Variants in ARSJ observed in about 807,000 individuals in gnomAD.
The protein encoded by ARSJ is arylsulfatase J.
In ARSJ, 26 loss-of-function variants were observed where a neutral mutation model predicts 35.9. That is an observed-to-expected ratio of 0.72 (90% confidence interval 0.53 to 1.00). The LOEUF (loss-of-function observed/expected upper bound fraction) is 1.00. Ranked by LOEUF, ARSJ falls within the 50% of genes least tolerant of loss-of-function variation. ARSJ has a pLI of 0.00. For missense variants in ARSJ, 667 were observed against 723.6 expected (o/e 0.92, Z 0.90); for synonymous variants, 294 against 267.6 (o/e 1.10, Z -0.96).
rs751520337 is a variant in ARSJ, at chr4:113,902,203, G to A, written c.*71C>T. 8.1e-6 allele frequency: 13 copies of A among 1,599,686 alleles called. No individual in the cohort carries two copies. In the South Asian group the frequency reaches 1.4e-4, roughly 18 times the overall value. ...CCAGCGATATTATCGAGCCAAATTT[G>A]CTGGTTTACCTAGGAAACAGATGAA... On this transcript the variant is annotated 3_prime_UTR_variant, in exon 2 of 2. Coordinates refer to ENST00000315366, the MANE Select transcript of ARSJ (RefSeq NM_024590.4).
At chr4:113,944,595 C>T (rs1725358438) in intron 1 of ARSJ, among the ~76,000 whole-genome samples, 1 of 151,926 alleles carries the variant, frequency 6.6e-6, no homozygotes, top group Middle Eastern at 3.2e-3. Flanking sequence ...CAGGAAAATG[C>T]CAGGAGGTAG....
At chr4:113,933,199 T>C (rs1384977382) in intron 1 of ARSJ, among the ~76,000 whole-genome samples, 1 of 151,820 alleles carries the variant, frequency 6.6e-6, no homozygotes, top group African/African-American at 2.4e-5. Context: ...GGTAACGAGA[T>C]TGAAACTGTA....
At chr4:113,905,821 C>T (rs1053538331) in intron 1 of ARSJ, among the ~76,000 whole-genome samples, 4 of 151,758 alleles carry the variant, frequency 2.6e-5, no homozygotes, top group Non-Finnish European at 4.4e-5. Context: ...GTGCATACCA[C>T]CAAGCCTGGC....
intron 1 of ARSJ, among the ~76,000 whole-genome samples, chr4:113,907,396 T>G (rs1005554344): frequency 1.3e-5 from 2 of 152,222 alleles, no homozygotes; most frequent in African/African-American, 4.8e-5. Flanking sequence ...AGCTTAGGAA[T>G]GATTTAGCAT....
At position 113,903,752 on chromosome 4, in the gene ARSJ, A is replaced by T. The variant is rs184787230; in HGVS notation, c.399-77T>A. The T allele has an allele frequency of 8.9e-5, 131 of 1,479,024 alleles. 1 individual carries two copies. The African/African-American group carries it at 1.5e-3, about 17-fold the overall frequency. The allele number at this position is 1,479,024 out of a possible 1,614,324, so 91.6% of individuals were successfully genotyped here. A position where few individuals can be genotyped will look rare whatever the true frequency, so the allele number is the denominator to read the frequency against. On this transcript the variant is annotated intron_variant, in intron 1 of 1. Transcript: ENST00000315366. ...TACATAAAACAATGATCCCTAAATT[A>T]AAAAATGTTTCTATGGGCATCATTG...
intron 1 of ARSJ, among the ~76,000 whole-genome samples, chr4:113,944,560 CA>C (rs1223037545): frequency 1.3e-5 from 2 of 152,060 alleles, no homozygotes; most frequent in East Asian, 3.9e-4. Context: ...TAGAAACGGG[CA>C]AAAGAGATAA....
intron 1 of ARSJ, among the ~76,000 whole-genome samples, chr4:113,971,920 A>G (rs1727274180): frequency 6.6e-6 from 1 of 152,198 alleles, no homozygotes; most frequent in African/African-American, 2.4e-5. Flanking sequence ...ACACATGCCT[A>G]TCAAATGAAA....
chr4:113,971,367 C>A (rs941589513), intron 1 of ARSJ, among the ~76,000 whole-genome samples: 2 of 152,142 alleles, frequency 1.3e-5, no homozygotes, highest in African/African-American at 4.8e-5. Flanking sequence ...ATAATTTCCA[C>A]CTTTAAGAAC....
At chr4:113,963,169 T>G (rs6836930) in intron 1 of ARSJ, among the ~76,000 whole-genome samples, 6,548 of 152,092 alleles carry the variant, frequency 0.043, 456 homozygotes, top group African/African-American at 0.15. Flanking sequence ...TACTATATAG[T>G]TTTCTTATTT....
At chr4:113,929,658 C>A (rs1300993727) in intron 1 of ARSJ, among the ~76,000 whole-genome samples, 1 of 152,146 alleles carries the variant, frequency 6.6e-6, no homozygotes, top group Non-Finnish European at 1.5e-5. Context: ...CAGCCACTCA[C>A]ATGATAAGAG....
intron 1 of ARSJ, among the ~76,000 whole-genome samples, chr4:113,975,325 A>T (rs1727525994): frequency 1.3e-5 from 2 of 152,220 alleles, no homozygotes; most frequent in African/African-American, 4.8e-5. Context: ...ACTATCAAAG[A>T]TACAAATTCA....
intron 1 of ARSJ, among the ~76,000 whole-genome samples, chr4:113,978,192 C>T (rs1049108723): frequency 2.0e-5 from 3 of 152,180 alleles, no homozygotes; most frequent in African/African-American, 7.2e-5. Flanking sequence ...GTTCTCATCT[C>T]ATTTAGAAAC....
intron 1 of ARSJ, among the ~76,000 whole-genome samples, chr4:113,926,088 T>C (rs1724040479): frequency 6.6e-6 from 1 of 152,186 alleles, no homozygotes; most frequent in African/African-American, 2.4e-5. Context: ...ATCCTATCCC[T>C]TGATTATTAA....
intron 1 of ARSJ, among the ~76,000 whole-genome samples, chr4:113,947,747 C>T (rs62314635): frequency 0.33 from 49,798 of 151,936 alleles, 8,628 homozygotes; most frequent in Middle Eastern, 0.4. Flanking sequence ...TAAGTTATTT[C>T]ATAAATTTTA....
chr4:113,939,904 G>C (rs985763589), intron 1 of ARSJ, among the ~76,000 whole-genome samples: 1 of 152,022 alleles, frequency 6.6e-6, no homozygotes, highest in Admixed American at 6.6e-5. Context: ...TTCTTTTGCT[G>C]TGCAGAAGCT....
At chr4:113,948,408 T>G (rs1725638457) in intron 1 of ARSJ, among the ~76,000 whole-genome samples, 1 of 152,126 alleles carries the variant, frequency 6.6e-6, no homozygotes, top group African/African-American at 2.4e-5. Context: ...GTTATTCTTT[T>G]CTTCAGAAAT....
chr4:113,927,704 C>A (rs1300621030), intron 1 of ARSJ, among the ~76,000 whole-genome samples: 1 of 152,126 alleles, frequency 6.6e-6, no homozygotes, highest in Non-Finnish European at 1.5e-5. Context: ...GGAGTCACTA[C>A]TTGGTTATGC....
At chr4:113,918,218 C>T (rs2149257027) in intron 1 of ARSJ, among the ~76,000 whole-genome samples, 1 of 152,266 alleles carries the variant, frequency 6.6e-6, no homozygotes, top group South Asian at 2.1e-4. Context: ...ATTGTCCTCA[C>T]ACACTTCAAC....
At chr4:113,944,000 A>G (rs1725320971) in intron 1 of ARSJ, 1 of 152,042 alleles carries the variant, frequency 6.6e-6, no homozygotes. Flanking sequence ...AATGTGATCT[A>G]ATTTAAGTTT....
Sources: allele counts gnomAD v4.1 joint callset (sites outside exome capture counted in the v4.1 genomes callset), GRCh38; gene constraint gnomAD v4.1.1; transcripts MANE v1.5; gene names NCBI Gene and HGNC (gene_info 2026-07-23, HGNC 2026-07-21).